MAP2K5: variants seen among roughly 807,000 people sequenced by gnomAD.
MAP2K5 encodes the protein mitogen-activated protein kinase kinase 5, also known as dual specificity mitogen-activated protein kinase kinase 5.
In MAP2K5, 49 loss-of-function variants were observed where a neutral mutation model predicts 83.1. The ratio of observed to expected loss-of-function variants is 0.59; its 90% confidence interval spans 0.47 to 0.75. The LOEUF is 0.75. Ranked by LOEUF, MAP2K5 falls within the 30% of genes least tolerant of loss-of-function variation. The probability of loss-of-function intolerance (pLI) is 0.00; values close to 1 mark genes in which losing one functional copy is unlikely to be tolerated. For synonymous variants in MAP2K5, 202 were observed against 191.8 expected (o/e 1.05, Z -0.44); for missense variants, 457 against 557.5 (o/e 0.82, Z 1.82).
At position 67,768,797 on chromosome 15, in the gene MAP2K5, C is replaced by G. The variant is rs1276266042; in HGVS notation, c.1135-805C>G. 6.6e-6 allele frequency among the ~76,000 whole-genome samples: 1 copy of G among 152,174 alleles called. No homozygotes were observed. The highest frequency in any genetic ancestry group is 1.5e-5 in the Non-Finnish European group (1 of 68,028). The stretch of plus-strand genomic sequence containing the variant: ...AATTTTATTACATCCTGAGCTGTTA[C>G]ACTATAAACACAGTGGCGCTCTCTG... On this transcript the variant is annotated intron_variant, in intron 19 of 21. Transcript: ENST00000178640. The surrounding 1 kb of genome is among the most constrained non-coding windows in gnomAD (Gnocchi z 4.0).
In MAP2K5 at chr15:67,549,969, G is replaced by C. The variant is rs566901497; in HGVS notation, c.136-65G>C. 4.5e-5 allele frequency: 53 copies of C among 1,179,636 alleles called. No individual in the cohort carries two copies. In the African/African-American group the frequency reaches 7.3e-4, roughly 16 times the overall value. The allele number at this position is 1,179,636 out of a possible 1,614,324, so 73.1% of individuals were successfully genotyped here. A position where few individuals can be genotyped will look rare whatever the true frequency, so the allele number is the denominator to read the frequency against. On this transcript the variant is annotated intron_variant, in intron 1 of 21. Transcript: ENST00000178640. ...TCCCAGGTTCTCATATTTCCTGTAG[G>C]ATTTGCCACATGTTAGCAATAAAGA... is the stretch of plus-strand genomic sequence containing the variant.
At chr15:67,607,974 A>G (rs968442608) in intron 8 of MAP2K5, among the ~76,000 whole-genome samples, 9 of 152,326 alleles carry the variant, frequency 5.9e-5, no homozygotes, top group African/African-American at 2.2e-4. Context: ...TGCTGAATCT[A>G]AGTGTTTCAA....
intron 17 of MAP2K5, among the ~76,000 whole-genome samples, chr15:67,739,452 ATATATATATATTTTTTTTTTTTTTTTTT>A (rs1402399270): frequency 5.6e-5 from 1 of 17,956 alleles, no homozygotes; most frequent in Non-Finnish European, 9.2e-5. Context: ...ATATATATAT[ATATATATATATTTTTTTTTTTTTTTTTT>A]TTTTTTTTTT....
At chr15:67,656,159 C>T (rs935061655) in intron 11 of MAP2K5, among the ~76,000 whole-genome samples, 14 of 152,194 alleles carry the variant, frequency 9.2e-5, no homozygotes, top group African/African-American at 3.4e-4. Context: ...CCTACCGAGC[C>T]ACAGATGAAT....
chr15:67,780,024 G>A lies in MAP2K5; in HGVS notation c.1242+7272G>A, dbSNP rs1039711425. 5.3e-5 allele frequency among the ~76,000 whole-genome samples: 8 copies of A among 152,086 alleles called. No individual in the cohort carries two copies. The highest frequency in any genetic ancestry group is 2.6e-4 in the Admixed American group (4 of 15,270). On this transcript the variant is annotated intron_variant, in intron 21 of 21. Coordinates refer to ENST00000178640, the MANE Select transcript of MAP2K5 (RefSeq NM_145160.3). The surrounding 1 kb of genome is among the most constrained non-coding windows in gnomAD (Gnocchi z 5.0). ...GGAAGGTCTTGGTCCTCCTCCCTGC[G>A]GCTTTTCCCTACTCTTCGACTTTAC...
chr15:67,591,297 C>T (rs1024367344), intron 6 of MAP2K5, among the ~76,000 whole-genome samples: 2 of 151,034 alleles, frequency 1.3e-5, no homozygotes, highest in African/African-American at 4.9e-5. Flanking sequence ...GTGAGCTGAG[C>T]TCACACCACT....
intron 12 of MAP2K5, among the ~76,000 whole-genome samples, chr15:67,663,808 G>T (rs1193192037): frequency 1.3e-5 from 2 of 152,146 alleles, no homozygotes. Context: ...CCAGGAATTT[G>T]AGGTTACAGT....
In MAP2K5 at chr15:67,702,851, T is replaced by TA. The variant is rs1223391298; in HGVS notation, c.973-484dup. On this transcript the variant is annotated intron_variant, in intron 15 of 21. Transcript: ENST00000178640. This position sits in a 1 kb window ranked among gnomAD's most constrained non-coding sequence, Gnocchi z 4.6. The stretch of plus-strand genomic sequence containing the variant: ...TGATCTCATTTTTTCAAATTTCCTA[T>TA]AAGTTTGAAATTATTTTCAAATAAA... Among the ~76,000 whole-genome samples, 1 of 152,188 alleles carries TA rather than the reference T, an allele frequency of 6.6e-6. No individual in the cohort carries two copies. The highest frequency in any genetic ancestry group is 1.5e-5 in the Non-Finnish European group (1 of 68,024).
intron 21 of MAP2K5, among the ~76,000 whole-genome samples, chr15:67,791,172 A>G (rs746969262): frequency 2.0e-5 from 3 of 152,232 alleles, no homozygotes; most frequent in Non-Finnish European, 4.4e-5. Context: ...AATTGGCTTA[A>G]TGTCAGCAGT....
chr15:67,664,594 T>G lies in MAP2K5; in HGVS notation c.799-3T>G. On this transcript the variant is annotated splice_region_variant and splice_polypyrimidine_tract_variant and intron_variant, in intron 12 of 21. Coordinates refer to ENST00000178640, the MANE Select transcript of MAP2K5 (RefSeq NM_145160.3). ...TGTACTGTTTTCTTTTTCCTAAATT[T>G]AGGTTGTTAAAGGCCTTACTTATTT... 6.5e-7 allele frequency: 1 copy of G among 1,542,100 alleles called. No individual in the cohort carries two copies. Among genetic ancestry groups the G allele is most frequent in the Non-Finnish European group, 9.0e-7 (1 of 1,115,428 alleles).
rs2084813698 is a variant in MAP2K5, at chr15:67,565,204, AG to A, written c.252+1856del. Among the ~76,000 whole-genome samples, 1 of 151,816 alleles carries A rather than the reference AG, an allele frequency of 6.6e-6. No individual in the cohort carries two copies. The highest frequency in any genetic ancestry group is 6.6e-5 in the Admixed American group (1 of 15,240). ...GTCTCTCCCCCACCTTCCTCTTTGC[AG>A]GATTTTTTTTATGTCATCACTGTTA... On this transcript the variant is annotated intron_variant, in intron 3 of 21. Transcript: ENST00000178640. This position sits in a 1 kb window ranked among gnomAD's most constrained non-coding sequence, Gnocchi z 4.1.
chr15:67,800,847 C>T (rs960515433), intron 21 of MAP2K5, among the ~76,000 whole-genome samples: 1 of 152,306 alleles, frequency 6.6e-6, no homozygotes, highest in Non-Finnish European at 1.5e-5. Flanking sequence ...CCTCCTAGCC[C>T]ATGCTTGCCA....
intron 8 of MAP2K5, among the ~76,000 whole-genome samples, chr15:67,610,513 C>T (rs1222393334): frequency 6.6e-6 from 1 of 152,118 alleles, no homozygotes; most frequent in Non-Finnish European, 1.5e-5. Context: ...TATTTGTGTA[C>T]CATAGCATCT....
intron 5 of MAP2K5, 127 bp from the exon 6 acceptor site, chr15:67,586,719 G>A (rs1316570910): frequency 6.2e-6 from 5 of 807,096 alleles, no homozygotes; most frequent in Non-Finnish European, 8.8e-6. Context: ...GACTCCAACT[G>A]TGGGTTTGTC....
chr15:67,605,332 C>T (rs971513165), intron 8 of MAP2K5, among the ~76,000 whole-genome samples: 4 of 151,434 alleles, frequency 2.6e-5, no homozygotes, highest in African/African-American at 4.9e-5. Context: ...GGATTATAGG[C>T]GTGAATCACC....
At chr15:67,550,800 C>G (rs781330962) in intron 2 of MAP2K5, among the ~76,000 whole-genome samples, 15 of 144,894 alleles carry the variant, frequency 1.0e-4, no homozygotes, top group Non-Finnish European at 6.0e-5. Flanking sequence ...GCCGCAGACT[C>G]TCACTGTGTT....
rs2089635202 is a variant in MAP2K5 at position 67,747,789 on chromosome 15, A to G, written c.1075-442A>G. ...ACAAAATAGGGGATTGTGAGCAGAC[A>G]CTGGCAGGAATCCAAAATTCTAATT... is the stretch of plus-strand genomic sequence containing the variant. On this transcript the variant is annotated intron_variant, in intron 17 of 21. Coordinates refer to ENST00000178640, the MANE Select transcript of MAP2K5 (RefSeq NM_145160.3). This position sits in a 1 kb window ranked among gnomAD's most constrained non-coding sequence, Gnocchi z 4.1. 6.6e-6 allele frequency among the ~76,000 whole-genome samples: 1 copy of G among 152,218 alleles called. No homozygotes were observed. The highest frequency in any genetic ancestry group is 2.4e-5 in the African/African-American group (1 of 41,466).
chr15:67,784,767 C>T (rs2090388460), intron 21 of MAP2K5, among the ~76,000 whole-genome samples: 1 of 152,196 alleles, frequency 6.6e-6, no homozygotes, highest in Admixed American at 6.5e-5. Context: ...GGTCACAAAC[C>T]TTTCTGCCTT....
chr15:67,571,297 G>A (rs2084942530), intron 3 of MAP2K5, among the ~76,000 whole-genome samples: 1 of 152,136 alleles, frequency 6.6e-6, no homozygotes, highest in South Asian at 2.1e-4. Context: ...TAATACCTCT[G>A]GCATAAGAGG....
Sources: gnomAD v4.1 joint callset for allele counts (sites outside exome capture counted in the v4.1 genomes callset) on GRCh38, gnomAD v4.1.1 for gene constraint, Gnocchi (gnomAD v3.1) non-coding constraint, MANE v1.5 for transcripts, NCBI Gene and HGNC (gene_info 2026-07-23, HGNC 2026-07-21) for gene names.